CEP128: variants seen among roughly 807,000 people sequenced by gnomAD.
CEP128 encodes centrosomal protein 128kDa.
Under a neutral mutation model 156.7 loss-of-function variants are expected in CEP128, and 132 were observed. That is an observed-to-expected ratio of 0.84 (90% CI 0.73 to 0.97). The LOEUF is 0.97. CEP128 is among the 50% of genes least tolerant of loss of function. The pLI is 0.00. For synonymous variants in CEP128, 469 were observed against 448.9 expected, an observed-to-expected ratio of 1.04 and a Z score of -0.57; for missense variants, 1,252 against 1,281.9, an observed-to-expected ratio of 0.98 and a Z score of 0.36.
At chr14:80,602,226 C>CT (rs578131778) in intron 19 of CEP128, among the ~76,000 whole-genome samples, 67 of 152,100 alleles carry the variant, frequency 4.4e-4, no homozygotes, top group African/African-American at 1.6e-3. Flanking sequence ...GTAAAGAATA[C>CT]AACAATAATA....
intron 8 of CEP128, among the ~76,000 whole-genome samples, chr14:80,890,044 T>A (rs1340710066): frequency 3.3e-5 from 5 of 152,164 alleles, no homozygotes; most frequent in African/African-American, 1.2e-4. Context: ...CCATCACTGG[T>A]CATTAGAGAA....
intron 19 of CEP128, among the ~76,000 whole-genome samples, chr14:80,721,886 T>C (rs1254398391): frequency 2.0e-5 from 3 of 152,238 alleles, no homozygotes; most frequent in African/African-American, 7.2e-5. Context: ...GTGTTTAAGT[T>C]AGTATTACAT....
At chr14:80,859,614 CAT>C (rs1226983921) in intron 9 of CEP128, among the ~76,000 whole-genome samples, 1 of 152,012 alleles carries the variant, frequency 6.6e-6, no homozygotes, top group Non-Finnish European at 1.5e-5. Context: ...TTCAATAGCA[CAT>C]GAGTAGCTGA....
intron 2 of CEP128, among the ~76,000 whole-genome samples, chr14:80,956,325 G>GT (rs1168010342): frequency 6.6e-6 from 1 of 152,208 alleles, no homozygotes; most frequent in Non-Finnish European, 1.5e-5. Context: ...GTTGACAAAG[G>GT]TTTAAGCAGG....
chr14:80,793,021 A>C lies in CEP128; in HGVS notation c.1299T>G (p.Cys433Trp). The C allele has an allele frequency of 6.2e-7, 1 of 1,614,192 alleles. No individual in the cohort carries two copies. The highest frequency in any genetic ancestry group is 1.7e-5 in the Admixed American group (1 of 60,006). ...LKEIQNHFDTCEAERKHADLQ... is the reference protein window; with the variant it reads ...LKEIQNHFDTWEAERKHADLQ... ...GGTCAGCATGCTTACGCTCGGCCTC[A>C]CATGTGTCAAAGTGATTCTGGATCT... Residue 433 changes from cysteine (C) to tryptophan (W), a missense_variant, in exon 14 of 25, where the codon TGT becomes TGG. Physicochemically the swap from Cys to Trp is radical, Grantham distance 215 (BLOSUM62 -2). Transcript: ENST00000555265.
Position 80,816,960 on chromosome 14 carries a change from T to TA in CEP128, c.1209+14182dup, listed in dbSNP as rs34406388. Among the ~76,000 whole-genome samples the TA allele has an allele frequency of 3.6e-3, 517 of 144,394 alleles. 11 individuals are homozygous for TA. In the Middle Eastern group the frequency reaches 0.036, roughly 10 times the overall value. 94.7% of individuals were successfully genotyped at this position (144,394 alleles called of 152,430 possible). On this transcript the variant is annotated intron_variant, in intron 13 of 24. Coordinates refer to ENST00000555265, the MANE Select transcript of CEP128 (RefSeq NM_152446.5). ...ACAATGTATGTGCTACGTTATTGTT[T>TA]AAAAAAAAAAAAAAAGGAACAACTA...
At chr14:80,719,885 A>G (rs1432940826) in intron 19 of CEP128, among the ~76,000 whole-genome samples, 1 of 152,232 alleles carries the variant, frequency 6.6e-6, no homozygotes, top group East Asian at 1.9e-4. Flanking sequence ...TAGAGAATTT[A>G]GAGTCTAATG....
At chr14:80,608,028 C>T (rs559006302) in intron 19 of CEP128, among the ~76,000 whole-genome samples, 2 of 152,158 alleles carry the variant, frequency 1.3e-5, no homozygotes, top group African/African-American at 2.4e-5. Context: ...TTTGCTGCAA[C>T]GAGTTCTTCT....
At chr14:80,688,904 G>A (rs767103241) in intron 19 of CEP128, among the ~76,000 whole-genome samples, 1 of 152,002 alleles carries the variant, frequency 6.6e-6, no homozygotes. Flanking sequence ...TCCTTTTGGG[G>A]GCAGACATTA....
chr14:80,862,490 A>G (rs73340197), intron 9 of CEP128, among the ~76,000 whole-genome samples: 13,016 of 152,228 alleles, frequency 0.086, 645 homozygotes, highest in African/African-American at 0.12. Context: ...GCACTAATCT[A>G]ATTAGGTCAA....
chr14:80,827,881 T>G (rs911060234), intron 13 of CEP128, among the ~76,000 whole-genome samples: 41 of 152,110 alleles, frequency 2.7e-4, no homozygotes, highest in African/African-American at 9.7e-4. Flanking sequence ...GTAATCTCAG[T>G]TTTTGCAATT....
intron 19 of CEP128, among the ~76,000 whole-genome samples, chr14:80,717,376 A>C (rs963780823): frequency 1.3e-5 from 2 of 152,208 alleles, no homozygotes; most frequent in Non-Finnish European, 2.9e-5. Context: ...TGTAGAGATT[A>C]ACAAATGAAT....
chr14:80,831,815 A>T (rs961950562), intron 12 of CEP128, among the ~76,000 whole-genome samples: 3 of 152,228 alleles, frequency 2.0e-5, no homozygotes, highest in Admixed American at 1.3e-4. Context: ...ATTTAAATCA[A>T]CATGAAATAC....
chr14:80,821,592 TACACACATAC>T (rs1201111425), intron 13 of CEP128, among the ~76,000 whole-genome samples: 1 of 80,024 alleles, frequency 1.2e-5, no homozygotes, highest in Admixed American at 1.5e-4. Context: ...GTCACACACA[TACACACATAC>T]ACACACACAC....
chr14:80,947,833 A>G (rs1220800337), intron 2 of CEP128, among the ~76,000 whole-genome samples: 1 of 152,200 alleles, frequency 6.6e-6, no homozygotes, highest in Non-Finnish European at 1.5e-5. Context: ...CCTCCACTCA[A>G]GCAAGCACTA....
In CEP128 at chr14:80,811,677, A is replaced by ATGTGTG. The variant is rs71645384; in HGVS notation, c.1210-18573_1210-18568dup. On this transcript the variant is annotated intron_variant, in intron 13 of 24. Coordinates refer to ENST00000555265, the MANE Select transcript of CEP128 (RefSeq NM_152446.5). ...TGTGTATGTGTGTGTGTACAGACAT[A>ATGTGTG]TGTGTGTGTGTGTGTGTGTGTGTGT... 1.7e-3 allele frequency among the ~76,000 whole-genome samples: 254 copies of ATGTGTG among 146,484 alleles called. 1 individual carries two copies. Among genetic ancestry groups the ATGTGTG allele is most frequent in the East Asian group, 5.8e-3 (29 of 5,022 alleles).
At chr14:80,849,563 C>T (rs1300069978) in intron 9 of CEP128, among the ~76,000 whole-genome samples, 1 of 152,014 alleles carries the variant, frequency 6.6e-6, no homozygotes, top group Non-Finnish European at 1.5e-5. Context: ...ACAGTATGGA[C>T]AAAGATATAT....
chr14:80,513,454 T>C (rs1888349443), intron 23 of CEP128, among the ~76,000 whole-genome samples: 1 of 152,164 alleles, frequency 6.6e-6, no homozygotes, highest in African/African-American at 2.4e-5. Context: ...CTTATTTGGG[T>C]TAAATTTACT....
chr14:80,909,134 GT>G (rs1566709261), intron 4 of CEP128, among the ~76,000 whole-genome samples: 3 of 152,064 alleles, frequency 2.0e-5, no homozygotes, highest in African/African-American at 7.2e-5. Context: ...CTGGACTTAA[GT>G]TTTTTGCCAG....
Sources: allele counts gnomAD v4.1 joint callset (sites outside exome capture counted in the v4.1 genomes callset), GRCh38; gene constraint gnomAD v4.1.1; transcripts MANE v1.5; gene names NCBI Gene and HGNC (gene_info 2026-07-23, HGNC 2026-07-21).